MECR: variants seen among roughly 807,000 people sequenced by gnomAD.
MECR encodes the protein enoyl-[acyl-carrier-protein] reductase, mitochondrial.
MECR carries 37 observed loss-of-function variants against 49.1 expected under a neutral mutation model. That is an observed-to-expected ratio of 0.75 (90% CI 0.58 to 0.99). The LOEUF (loss-of-function observed/expected upper bound fraction) is 0.99, where lower values mean the gene tolerates loss of function less well. Ranked by LOEUF, MECR falls within the 50% of genes least tolerant of loss-of-function variation. The pLI, the probability that MECR is intolerant of heterozygous loss-of-function variation, is 0.00. For missense variants in MECR, 470 were observed against 479.6 expected (o/e 0.98, Z 0.19); for synonymous variants, 198 against 191.1 (o/e 1.04, Z -0.30).
chr1:29,182,286 G>T, the MECR span, among the ~76,000 whole-genome samples: 1 of 152,142 alleles, frequency 6.6e-6, no homozygotes, highest in Non-Finnish European at 1.5e-5. Context: ...CTTGTTACGC[G>T]CGATGTCTCG....
At chr1:29,182,579 G>C in the MECR span, among the ~76,000 whole-genome samples, 1 of 151,244 alleles carries the variant, frequency 6.6e-6, no homozygotes, top group African/African-American at 2.4e-5. Flanking sequence ...AGTTTCGCTC[G>C]GTCGCCCAGG....
At chr1:29,227,278 A>T (rs554161846) in intron 1 of MECR, among the ~76,000 whole-genome samples, 1 of 152,132 alleles carries the variant, frequency 6.6e-6, no homozygotes, top group African/African-American at 2.4e-5. Flanking sequence ...GTTTCTGGGA[A>T]CTATCTGATA....
chr1:29,218,343 T>G (rs979187672), intron 1 of MECR, among the ~76,000 whole-genome samples: 1 of 152,216 alleles, frequency 6.6e-6, no homozygotes, highest in Admixed American at 6.5e-5. Context: ...CTTTCTTTCT[T>G]TCTCCACACC....
Position 29,216,047 on chromosome 1 carries a change from G to T in MECR, c.364C>A (p.Leu122Met). 1 of 1,614,092 alleles carries T rather than the reference G, an allele frequency of 6.2e-7. No individual in the cohort carries two copies. Among genetic ancestry groups the T allele is most frequent in the Non-Finnish European group, 8.5e-7 (1 of 1,179,980 alleles). ...VVAVGSNVTGLKPGDWVIPAN... is the reference protein window; with the variant it reads ...VVAVGSNVTGMKPGDWVIPAN... ...GGAATCACCCAGTCTCCTGGCTTCAGCCCGGTCACATTGCTGCCCACCGCT... is the reference window on the plus strand; with the variant it reads ...GGAATCACCCAGTCTCCTGGCTTCATCCCGGTCACATTGCTGCCCACCGCT... The change falls in exon 3 of 10, where the codon CTG becomes ATG. Residue 122 changes from leucine (L) to methionine (M), a missense_variant. By Grantham distance (15) the Leu-to-Met change is conservative. Transcript: ENST00000263702.
intron 7 of MECR, among the ~76,000 whole-genome samples, chr1:29,198,614 T>C (rs1674582280): frequency 6.6e-6 from 1 of 152,238 alleles, no homozygotes; most frequent in African/African-American, 2.4e-5. Flanking sequence ...GGGCCTTGTT[T>C]TTTTTTGTTT....
intron 1 of MECR, among the ~76,000 whole-genome samples, chr1:29,227,109 A>T (rs1682286167): frequency 1.3e-5 from 2 of 151,988 alleles, no homozygotes; most frequent in Admixed American, 1.3e-4. Flanking sequence ...GATTACAGGC[A>T]TGCACCACTG....
chr1:29,196,403 C>A, intron 7 of MECR, 145 bp from the exon 8 acceptor site: 1 of 773,054 alleles, frequency 1.3e-6, no homozygotes, highest in Non-Finnish European at 2.1e-6. Flanking sequence ...AATACAGATT[C>A]CAGCTGGGAG....
At chr1:29,204,709 C>T (rs900800762) in intron 4 of MECR, among the ~76,000 whole-genome samples, 12 of 152,092 alleles carry the variant, frequency 7.9e-5, no homozygotes, top group East Asian at 3.9e-4. Context: ...GGGTGGGCAG[C>T]GTCGAAATGC....
chr1:29,183,803 A>G, the MECR span, among the ~76,000 whole-genome samples: 1 of 151,392 alleles, frequency 6.6e-6, no homozygotes, highest in Non-Finnish European at 1.5e-5. Context: ...AAAACATTAG[A>G]TATTTATGGG....
chr1:29,178,852 T>C, the MECR span, among the ~76,000 whole-genome samples: 8 of 152,336 alleles, frequency 5.3e-5, no homozygotes, highest in East Asian at 1.4e-3. Flanking sequence ...TCTTTACCAT[T>C]GGTCTTCTTC....
chr1:29,225,782 A>G (rs1681887914), intron 1 of MECR, among the ~76,000 whole-genome samples: 2 of 152,220 alleles, frequency 1.3e-5, no homozygotes, highest in Admixed American at 1.3e-4. Flanking sequence ...AACTGTAAAA[A>G]GAAGAAATTC....
intron 1 of MECR, among the ~76,000 whole-genome samples, chr1:29,222,776 A>G (rs1180570186): frequency 2.6e-5 from 4 of 152,038 alleles, no homozygotes; most frequent in African/African-American, 9.7e-5. Context: ...ACACAGGTGG[A>G]TGGTGTCGGG....
the MECR span, chr1:29,170,723 T>A: frequency 6.6e-6 from 1 of 152,222 alleles, no homozygotes; most frequent in Non-Finnish European, 1.5e-5. Flanking sequence ...TTCTGGTCTG[T>A]GGTTCCTGAC....
At chr1:29,191,154 C>T (rs1311938717), downstream of MECR, among the ~76,000 whole-genome samples, 2 of 152,172 alleles carry the variant, frequency 1.3e-5, no homozygotes, top group East Asian at 1.9e-4. Context: ...TGTTCTCAGG[C>T]ATTCTGCACG....
the MECR span, among the ~76,000 whole-genome samples, chr1:29,175,340 G>C: frequency 6.6e-6 from 1 of 151,650 alleles, no homozygotes; most frequent in Non-Finnish European, 1.5e-5. Context: ...TTGTACCTGG[G>C]AGGTGAGCCA....
chr1:29,183,236 A>G, the MECR span, among the ~76,000 whole-genome samples: 149 of 152,344 alleles, frequency 9.8e-4, 1 homozygote, highest in Admixed American at 2.6e-3. Context: ...ATATATTTTG[A>G]AAATCATTCC....
intron 1 of MECR, among the ~76,000 whole-genome samples, chr1:29,227,481 A>G (rs1409185791): frequency 3.3e-5 from 5 of 152,202 alleles, no homozygotes; most frequent in Non-Finnish European, 5.9e-5. Flanking sequence ...ACAGGGGAAA[A>G]TGGCTTAGGA....
chr1:29,198,763 C>T (rs1674616872), intron 7 of MECR, among the ~76,000 whole-genome samples: 1 of 152,126 alleles, frequency 6.6e-6, no homozygotes, highest in South Asian at 2.1e-4. Context: ...ATTACAGGCA[C>T]CCACGACCAT....
At chr1:29,226,167 TAAAAAAA>T (rs57234529) in intron 1 of MECR, among the ~76,000 whole-genome samples, 1 of 44,398 alleles carries the variant, frequency 2.3e-5, no homozygotes, top group Admixed American at 2.8e-4. Context: ...AGGCTCTATC[TAAAAAAA>T]AAAAAAAAAA....
Sources: gnomAD v4.1 joint callset for allele counts (sites outside exome capture counted in the v4.1 genomes callset) on GRCh38, gnomAD v4.1.1 for gene constraint, MANE v1.5 for transcripts, NCBI Gene and HGNC (gene_info 2026-07-23, HGNC 2026-07-21) for gene names.